Variants in RBKS observed in about 807,000 individuals in gnomAD.
RBKS encodes ribokinase.
A neutral mutation model predicts 33.9 loss-of-function variants in RBKS; 33 were observed. That is an observed-to-expected ratio of 0.97 (90% CI 0.74 to 1.30). The LOEUF is 1.30. RBKS is among the 50% of genes most tolerant of loss of function. The pLI is 0.00. For missense variants in RBKS, 361 were observed against 392.6 expected (o/e 0.92, Z 0.68); for synonymous variants, 125 against 143.0 (o/e 0.87, Z 0.90).
intron 7 of RBKS, among the ~76,000 whole-genome samples, chr2:27,820,106 C>T (rs940798927): frequency 2.0e-5 from 3 of 152,098 alleles, no homozygotes; most frequent in Admixed American, 6.6e-5. Context: ...ATGATATCAC[C>T]GATCTTATTT....
At position 27,795,662 on chromosome 2, in the gene RBKS, T is replaced by G. The variant is rs1021696521; in HGVS notation, c.796-13874A>C. Among the ~76,000 whole-genome samples the G allele has an allele frequency of 3.3e-5, 5 of 152,090 alleles. No individual in the cohort carries two copies. The highest frequency in any genetic ancestry group is 7.3e-5 in the Non-Finnish European group (5 of 68,030). ...CATTTGTCCAGAGTCACAGAGCTGG[T>G]AAATGGCAGAGCTGCACTTTGTACC... On this transcript the variant is annotated intron_variant, in intron 7 of 7. Transcript: ENST00000302188. This position sits in a 1 kb window ranked among gnomAD's most constrained non-coding sequence, Gnocchi z 4.1.
intron 2 of RBKS, among the ~76,000 whole-genome samples, chr2:27,849,559 C>CAAAAAAAAAAA (rs70953894): frequency 2.1e-4 from 6 of 28,588 alleles, no homozygotes; most frequent in African/African-American, 4.0e-4. Flanking sequence ...GACTCTGTCT[C>CAAAAAAAAAAA]AAAAAAAAAA....
chr2:27,800,512 C>T (rs1677756350), intron 7 of RBKS, among the ~76,000 whole-genome samples: 1 of 152,118 alleles, frequency 6.6e-6, no homozygotes, highest in Admixed American at 6.5e-5. Context: ...TGTGAAAAGG[C>T]TTAGCACAGT....
At chr2:27,848,217 CTAAT>C (rs573222457) in intron 2 of RBKS, 120 bp from the exon 3 acceptor site, 22 of 567,548 alleles carry the variant, frequency 3.9e-5, no homozygotes, top group South Asian at 1.5e-4. Flanking sequence ...TAAACATTAA[CTAAT>C]TAATCTTCTT....
At chr2:27,859,626 C>T (rs1049616259) in intron 1 of RBKS, among the ~76,000 whole-genome samples, 2 of 151,986 alleles carry the variant, frequency 1.3e-5, no homozygotes, top group African/African-American at 4.8e-5. Context: ...TCAGGTGGCA[C>T]GAACACTGGC....
At chr2:27,785,758 T>C (rs1573029559) in intron 7 of RBKS, among the ~76,000 whole-genome samples, 1 of 141,130 alleles carries the variant, frequency 7.1e-6, no homozygotes, top group East Asian at 2.0e-4. Flanking sequence ...CGAGACTCCA[T>C]CTCAAAAAAA....
At chr2:27,815,745 G>A (rs967258692) in intron 7 of RBKS, among the ~76,000 whole-genome samples, 3 of 152,166 alleles carry the variant, frequency 2.0e-5, no homozygotes, top group Non-Finnish European at 4.4e-5. Flanking sequence ...AAGAGGAAGC[G>A]AAATCCTAAT....
chr2:27,868,382 G>A (rs1409730427), intron 1 of RBKS, among the ~76,000 whole-genome samples: 1 of 151,992 alleles, frequency 6.6e-6, no homozygotes, highest in Non-Finnish European at 1.5e-5. Flanking sequence ...AGTTCAAAAG[G>A]TATTGGCTTA....
intron 7 of RBKS, among the ~76,000 whole-genome samples, chr2:27,827,230 T>C (rs1456113978): frequency 1.3e-5 from 2 of 152,346 alleles, no homozygotes; most frequent in Admixed American, 1.3e-4. Context: ...GCAACTATCA[T>C]ATGACTGGGA....
intron 6 of RBKS, among the ~76,000 whole-genome samples, chr2:27,830,688 G>C (rs944467229): frequency 6.6e-6 from 1 of 152,054 alleles, no homozygotes; most frequent in Non-Finnish European, 1.5e-5. Context: ...GCTATGTGCA[G>C]GTACAGTGTA....
chr2:27,855,059 C>A (rs114117339), intron 2 of RBKS, among the ~76,000 whole-genome samples: 4 of 152,142 alleles, frequency 2.6e-5, no homozygotes, highest in South Asian at 4.2e-4. Context: ...CCCGCCCCCC[C>A]ACCACACAAA....
intron 7 of RBKS, among the ~76,000 whole-genome samples, chr2:27,801,983 TATATATA>T (rs1677801853): frequency 4.0e-5 from 4 of 100,608 alleles, no homozygotes; most frequent in African/African-American, 1.7e-4. Context: ...TATATATATA[TATATATA>T]TATTTTTTTT....
rs955135670 is a variant in RBKS at position 27,838,828 on chromosome 2, A to C, written c.514+4239T>G. Among the ~76,000 whole-genome samples the C allele has an allele frequency of 2.6e-5, 4 of 152,238 alleles. No individual in the cohort carries two copies. The East Asian group carries it at 7.7e-4, about 29-fold the overall frequency. ...TAGCACCCAACAGTAATTATTATTA[A>C]TTACAGTGTCAGATGAACTAAACTC... On this transcript the variant is annotated intron_variant, in intron 5 of 7. Transcript: ENST00000302188.
chr2:27,827,529 T>C (rs570095351), intron 7 of RBKS, 38 bp downstream of exon 7: 1 of 1,483,692 alleles, frequency 6.7e-7, no homozygotes, highest in South Asian at 1.4e-5. Flanking sequence ...GTAACAATTT[T>C]CAAAGGCTAA....
chr2:27,840,169 A>G (rs1294682388), intron 5 of RBKS, among the ~76,000 whole-genome samples: 1 of 151,064 alleles, frequency 6.6e-6, no homozygotes, highest in Non-Finnish European at 1.5e-5. Context: ...ACAGGCACCC[A>G]CCACCATGCC....
rs532948160 is a variant in RBKS at position 27,831,718 on chromosome 2, A to G, written c.606+968T>C. Among the ~76,000 whole-genome samples, 6 of 152,278 alleles carry G rather than the reference A, an allele frequency of 3.9e-5. 1 individual carries two copies. The East Asian group carries it at 1.2e-3, about 29-fold the overall frequency. ...TACTTTGGGAGGCTTGATTTAGCCC[A>G]GGAGTTCGAGATTAGCCTAGGCAAC... On this transcript the variant is annotated intron_variant, in intron 6 of 7. Coordinates refer to ENST00000302188, the MANE Select transcript of RBKS (RefSeq NM_022128.3).
chr2:27,875,748 G>C (rs1167407490), intron 1 of RBKS, among the ~76,000 whole-genome samples: 2 of 152,178 alleles, frequency 1.3e-5, no homozygotes, highest in Non-Finnish European at 2.9e-5. Context: ...ACGTAACAGA[G>C]TATTAAATGG....
intron 7 of RBKS, among the ~76,000 whole-genome samples, chr2:27,797,195 G>A (rs1677682381): frequency 6.6e-6 from 1 of 152,214 alleles, no homozygotes; most frequent in African/African-American, 2.4e-5. Context: ...CAGAACCCAG[G>A]GGAGGTAGGC....
intron 1 of RBKS, among the ~76,000 whole-genome samples, chr2:27,886,811 T>A (rs1664538775): frequency 6.6e-6 from 1 of 152,160 alleles, no homozygotes; most frequent in African/African-American, 2.4e-5. Context: ...TACTAGCCAG[T>A]AAGTAACCAC....
Sources: allele counts gnomAD v4.1 joint callset (sites outside exome capture counted in the v4.1 genomes callset), GRCh38; gene constraint gnomAD v4.1.1; non-coding constraint Gnocchi (gnomAD v3.1); transcripts MANE v1.5; gene names NCBI Gene and HGNC (gene_info 2026-07-23, HGNC 2026-07-21).